Variants in PRDM16 observed in about 807,000 individuals in gnomAD.
PRDM16 encodes PR/SET domain 16, also known as histone-lysine N-methyltransferase PRDM16.
Under a neutral mutation model 110.6 loss-of-function variants are expected in PRDM16, and 23 were observed. That is an observed-to-expected ratio of 0.21 (90% CI 0.15 to 0.29). PRDM16 has a LOEUF of 0.29. Among genes scored for constraint, PRDM16 ranks in the 10% least tolerant of loss-of-function variants. The pLI, the probability that PRDM16 is intolerant of heterozygous loss-of-function variation, is 1.00. For missense variants in PRDM16, 1,615 were observed against 1,794.3 expected, an observed-to-expected ratio of 0.90 and a Z score of 1.81; for synonymous variants, 799 against 781.8, an observed-to-expected ratio of 1.02 and a Z score of -0.37.
chr1:3,146,937 T>C (rs1643678520), intron 1 of PRDM16, among the ~76,000 whole-genome samples: 2 of 96,272 alleles, frequency 2.1e-5, no homozygotes, highest in Non-Finnish European at 3.9e-5. Context: ...TGCACGTGTG[T>C]GCTCAGTGTG....
chr1:3,357,376 A>AC (rs1642628156), intron 3 of PRDM16, among the ~76,000 whole-genome samples: 1 of 137,638 alleles, frequency 7.3e-6, no homozygotes. Context: ...GAGCTGGAAA[A>AC]CCTTCAGCCG....
chr1:3,181,780 GCAGTCTTACACATGCAGTCTTACACA>G (rs1206263523), intron 1 of PRDM16, among the ~76,000 whole-genome samples: 2 of 100,692 alleles, frequency 2.0e-5, no homozygotes, highest in Middle Eastern at 8.9e-3. Context: ...TCTTACACAT[GCAGTCTTACACATGCAGTCTTACACA>G]CGGTCTTACA....
At position 3,120,903 on chromosome 1, in the gene PRDM16, A is replaced by ACC. The variant is rs1376036748; in HGVS notation, c.37+51607_37+51608insCC. Among the ~76,000 whole-genome samples the ACC allele has an allele frequency of 7.2e-5, 11 of 152,336 alleles. No individual in the cohort carries two copies. The East Asian group carries it at 2.1e-3, about 29-fold the overall frequency. On this transcript the variant is annotated intron_variant, in intron 1 of 16. Transcript: ENST00000270722. ...AGACTTGTTCTCTCCGGGATCTGCC[A>ACC]TTCCAGGGGCTCCTCACCTTCAGGA...
chr1:3,361,217 G>C (rs573136536), intron 3 of PRDM16, among the ~76,000 whole-genome samples: 2 of 152,262 alleles, frequency 1.3e-5, no homozygotes, highest in East Asian at 3.9e-4. Context: ...TGCTTTCACC[G>C]TCACAGCCTG....
chr1:3,231,432 G>A (rs895221436), intron 2 of PRDM16, among the ~76,000 whole-genome samples: 3 of 151,844 alleles, frequency 2.0e-5, no homozygotes, highest in South Asian at 4.1e-4. Context: ...CAGGGACAGC[G>A]GTCAAGGCCG....
At chr1:3,409,834 G>GGTGTGTGGTGTGTGTGCGT (rs150742635) in intron 8 of PRDM16, among the ~76,000 whole-genome samples, 6 of 125,798 alleles carry the variant, frequency 4.8e-5, no homozygotes, top group African/African-American at 6.3e-5. Context: ...GTTGTGTGTG[G>GGTGTGTGGTGTGTGTGCGT]GTGTGTGGTG....
chr1:3,264,577 C>A (rs1267369272), intron 3 of PRDM16, among the ~76,000 whole-genome samples: 1 of 145,102 alleles, frequency 6.9e-6, no homozygotes, highest in Admixed American at 6.9e-5. Flanking sequence ...ATCTGAGGAC[C>A]CCGGGCCAGG....
intron 2 of PRDM16, among the ~76,000 whole-genome samples, chr1:3,204,220 A>G (rs1342210911): frequency 6.6e-6 from 1 of 152,180 alleles, no homozygotes; most frequent in Non-Finnish European, 1.5e-5. Context: ...CCGCTCACAG[A>G]TACCCGTGCC....
intron 1 of PRDM16, among the ~76,000 whole-genome samples, chr1:3,126,065 G>C (rs1643198553): frequency 6.6e-6 from 1 of 152,230 alleles, no homozygotes; most frequent in Non-Finnish European, 1.5e-5. Context: ...TCGTCCTTAG[G>C]TAATCCTCTC....
At chr1:3,352,302 AC>A (rs1642510691) in intron 3 of PRDM16, among the ~76,000 whole-genome samples, 2 of 150,096 alleles carry the variant, frequency 1.3e-5, no homozygotes, top group Middle Eastern at 3.2e-3. Context: ...AGCCGTGCCC[AC>A]CCCTCCCACG....
chr1:3,139,546 T>C (rs1487531899), intron 1 of PRDM16, among the ~76,000 whole-genome samples: 1 of 152,150 alleles, frequency 6.6e-6, no homozygotes, highest in Non-Finnish European at 1.5e-5. Flanking sequence ...CATCCGGGGG[T>C]GCTCGGGCAC....
intron 3 of PRDM16, among the ~76,000 whole-genome samples, chr1:3,301,373 G>A: frequency 6.7e-6 from 1 of 149,676 alleles, no homozygotes; most frequent in Non-Finnish European, 1.5e-5. Context: ...GAAGGAAGGA[G>A]GAAAAGAAAG....
chr1:3,099,189 G>A (rs1435834234), intron 1 of PRDM16, among the ~76,000 whole-genome samples: 1 of 152,218 alleles, frequency 6.6e-6, no homozygotes, highest in Admixed American at 6.5e-5. Flanking sequence ...CCAGGTTGAG[G>A]GCAGCTCGGT....
intron 3 of PRDM16, among the ~76,000 whole-genome samples, chr1:3,295,934 C>T (rs1641079920): frequency 6.6e-6 from 1 of 152,108 alleles, no homozygotes; most frequent in Non-Finnish European, 1.5e-5. Context: ...CCCACTGAGA[C>T]AGGACCTGCC....
chr1:3,095,323 A>ACAAGGCCGGGCGCGGTG (rs1557442056), intron 1 of PRDM16, among the ~76,000 whole-genome samples: 1 of 151,372 alleles, frequency 6.6e-6, no homozygotes, highest in African/African-American at 2.5e-5. Flanking sequence ...AAAGTGGAGT[A>ACAAGGCCGGGCGCGGTG]GCAAACAACT....
At chr1:3,113,093 G>A (rs12136745) in intron 1 of PRDM16, among the ~76,000 whole-genome samples, 26,540 of 152,292 alleles carry the variant, frequency 0.17, 3,253 homozygotes, top group African/African-American at 0.33. Flanking sequence ...ATACTGGGGG[G>A]CCTCTTGTGG....
chr1:3,088,529 G>A (rs1055413459), intron 1 of PRDM16, among the ~76,000 whole-genome samples: 5 of 149,620 alleles, frequency 3.3e-5, no homozygotes, highest in Admixed American at 6.7e-5. Context: ...GCGGTGGCGC[G>A]ATCTCAGCTC....
Position 3,434,987 on chromosome 1 carries a change from GAC to G in PRDM16, c.*1180_*1181del, listed in dbSNP as rs918623486. On this transcript the variant is annotated 3_prime_UTR_variant, in exon 17 of 17. Transcript: ENST00000270722. ...CCTGTGCCTGAGACTCCGGATGGAC[GAC>G]ACAGTCGTCACGTCGCTCTTCCTGC... The G allele has an allele frequency of 1.5e-4, 34 of 228,172 alleles. No homozygotes were observed. The highest frequency in any genetic ancestry group is 3.6e-4 in the African/African-American group (16 of 44,942). 14.1% of individuals were successfully genotyped at this position (228,172 alleles called of 1,614,324 possible). A position where few individuals can be genotyped will look rare whatever the true frequency, so the allele number is the denominator to read the frequency against.
intron 3 of PRDM16, among the ~76,000 whole-genome samples, chr1:3,271,580 C>G (rs1640455902): frequency 6.6e-6 from 1 of 152,230 alleles, no homozygotes; most frequent in Non-Finnish European, 1.5e-5. Flanking sequence ...GTTCCATGAC[C>G]TGGAGCGTGA....
Sources: allele counts gnomAD v4.1 joint callset (sites outside exome capture counted in the v4.1 genomes callset), GRCh38; gene constraint gnomAD v4.1.1; transcripts MANE v1.5; gene names NCBI Gene and HGNC (gene_info 2026-07-23, HGNC 2026-07-21).